The following ULK4 variants were observed in gnomAD, a reference collection of about 807,000 sequenced individuals.
The protein encoded by ULK4 is inactive serine/threonine-protein kinase ULK4.
A neutral mutation model predicts 160.6 loss-of-function variants in ULK4; 133 were observed. The observed-to-expected ratio is 0.83, with a 90% CI of 0.72 to 0.96. The LOEUF (loss-of-function observed/expected upper bound fraction) is 0.96, where lower values mean the gene tolerates loss of function less well. Among genes scored for constraint, ULK4 ranks in the 40% least tolerant of loss-of-function variants. ULK4 has a pLI of 0.00. For missense variants in ULK4, 1,580 were observed against 1,499.5 expected (o/e 1.05, Z -0.89); for synonymous variants, 534 against 539.8 (o/e 0.99, Z 0.15).
At chr3:41,858,665 G>T (rs2125681432) in intron 17 of ULK4, among the ~76,000 whole-genome samples, 1 of 137,960 alleles carries the variant, frequency 7.2e-6, no homozygotes, top group Non-Finnish European at 1.5e-5. Context: ...GCTAATTTTT[G>T]TGTGATTTTT....
At chr3:41,413,886 T>A (rs989289680) in intron 34 of ULK4, among the ~76,000 whole-genome samples, 1 of 152,146 alleles carries the variant, frequency 6.6e-6, no homozygotes, top group Non-Finnish European at 1.5e-5. Context: ...GAACTTCAGA[T>A]AAAAAAATCA....
intron 31 of ULK4, among the ~76,000 whole-genome samples, chr3:41,592,748 A>T (rs2031438826): frequency 2.0e-5 from 3 of 152,238 alleles, no homozygotes; most frequent in African/African-American, 7.2e-5. Flanking sequence ...TATGAAGAGT[A>T]GTTAAAATGG....
At chr3:41,848,678 A>G (rs1374396692) in intron 17 of ULK4, among the ~76,000 whole-genome samples, 1 of 152,182 alleles carries the variant, frequency 6.6e-6, no homozygotes, top group East Asian at 1.9e-4. Context: ...TTTTCCTTCT[A>G]GCAGTATCCC....
intron 35 of ULK4, among the ~76,000 whole-genome samples, chr3:41,265,119 C>T (rs1341223111): frequency 6.6e-6 from 1 of 152,202 alleles, no homozygotes; most frequent in East Asian, 1.9e-4. Flanking sequence ...GGAGGCTGGG[C>T]CAGCACTGCA....
At chr3:41,578,279 T>C (rs1481051044) in intron 31 of ULK4, among the ~76,000 whole-genome samples, 10 of 152,228 alleles carry the variant, frequency 6.6e-5, no homozygotes, top group Non-Finnish European at 2.9e-5. Context: ...AAAGGCAACC[T>C]GGGTCTTTGT....
chr3:41,921,742 T>C (rs747616124), intron 5 of ULK4, among the ~76,000 whole-genome samples: 1 of 152,222 alleles, frequency 6.6e-6, no homozygotes, highest in Non-Finnish European at 1.5e-5. Context: ...TATTACATGG[T>C]AAGTTAAATG....
chr3:41,678,987 C>T (rs536614686), intron 29 of ULK4, among the ~76,000 whole-genome samples: 11 of 152,240 alleles, frequency 7.2e-5, no homozygotes, highest in Middle Eastern at 6.8e-3. Flanking sequence ...GATCAAACTC[C>T]TTACCAGGTT....
intron 21 of ULK4, among the ~76,000 whole-genome samples, chr3:41,764,132 G>C (rs2039080119): frequency 6.6e-6 from 1 of 152,076 alleles, no homozygotes; most frequent in African/African-American, 2.4e-5. Context: ...ACAATAAACT[G>C]AGAAAATGAA....
intron 35 of ULK4, among the ~76,000 whole-genome samples, chr3:41,290,332 C>T (rs2079537029): frequency 1.3e-5 from 2 of 152,158 alleles, no homozygotes; most frequent in South Asian, 4.1e-4. Flanking sequence ...AATCATGCAA[C>T]AAGTAGATGC....
At chr3:41,944,348 G>A (rs1700050906) in intron 2 of ULK4, among the ~76,000 whole-genome samples, 1 of 152,190 alleles carries the variant, frequency 6.6e-6, no homozygotes, top group South Asian at 2.1e-4. Flanking sequence ...GATGAGGCAG[G>A]AGAATTGCCT....
intron 32 of ULK4, among the ~76,000 whole-genome samples, chr3:41,472,216 C>T (rs1028209725): frequency 1.8e-4 from 28 of 151,532 alleles, no homozygotes; most frequent in Admixed American, 9.2e-4. Flanking sequence ...ATTGAATAAC[C>T]GAGAAGAAAG....
chr3:41,945,273 T>C (rs1700079979), intron 2 of ULK4, among the ~76,000 whole-genome samples: 1 of 152,096 alleles, frequency 6.6e-6, no homozygotes, highest in African/African-American at 2.4e-5. Context: ...ATGGATGCCT[T>C]GGGGCCTTTA....
rs58776421 is a variant in ULK4 at position 41,316,275 on chromosome 3, T to A, written c.3679-66701A>T. 5.4e-3 allele frequency among the ~76,000 whole-genome samples: 819 copies of A among 152,056 alleles called. 13 individuals are homozygous for A. The highest frequency in any genetic ancestry group is 0.019 in the African/African-American group (781 of 41,458). The stretch of plus-strand genomic sequence containing the variant: ...AAAGCATTATACTAAGTGAAAGAGG[T>A]CAGACAAAAGAGGCTGACTTTTGGG... On this transcript the variant is annotated intron_variant, in intron 35 of 36. Transcript: ENST00000301831.
At chr3:41,824,313 T>C (rs1459401733) in intron 18 of ULK4, among the ~76,000 whole-genome samples, 2 of 152,100 alleles carry the variant, frequency 1.3e-5, no homozygotes, top group East Asian at 1.9e-4. Flanking sequence ...TGTCGGACAG[T>C]GGGTGCAGGA....
chr3:41,946,332 C>T (rs148845039), intron 2 of ULK4, among the ~76,000 whole-genome samples: 1 of 152,244 alleles, frequency 6.6e-6, no homozygotes, highest in Non-Finnish European at 1.5e-5. Flanking sequence ...GGTTCAAGAA[C>T]AGGCAAAATA....
chr3:41,278,975 G>C (rs976812314), intron 35 of ULK4, among the ~76,000 whole-genome samples: 1 of 152,154 alleles, frequency 6.6e-6, no homozygotes, highest in African/African-American at 2.4e-5. Context: ...GTTGGCTTCA[G>C]AAGGTCGGTA....
At chr3:41,581,277 A>G (rs2030313965) in intron 31 of ULK4, among the ~76,000 whole-genome samples, 1 of 152,298 alleles carries the variant, frequency 6.6e-6, no homozygotes, top group East Asian at 1.9e-4. Flanking sequence ...GCAGGCAGAG[A>G]GTACGTTTAC....
rs115243454 is a variant in ULK4, at chr3:41,947,887, G to T, written c.138+6735C>A. Among the ~76,000 whole-genome samples the T allele has an allele frequency of 8.8e-3, 1,336 of 152,192 alleles. 21 individuals carry two copies. The highest frequency in any genetic ancestry group is 0.031 in the African/African-American group (1,286 of 41,530). ...GCAGACACTCAACAATACGCTTTTG[G>T]TGTTGAAGTGAGTGAATGAATCTTG... is the stretch of plus-strand genomic sequence containing the variant. On this transcript the variant is annotated intron_variant, in intron 2 of 36. Coordinates refer to ENST00000301831, the MANE Select transcript of ULK4 (RefSeq NM_017886.4).
At chr3:41,508,629 G>C (rs151030341) in intron 32 of ULK4, among the ~76,000 whole-genome samples, 149 of 152,296 alleles carry the variant, frequency 9.8e-4, no homozygotes, top group African/African-American at 3.5e-3. Flanking sequence ...AAGACATAAA[G>C]ATGGATCACA....
Sources: gnomAD v4.1 joint callset for allele counts (sites outside exome capture counted in the v4.1 genomes callset) on GRCh38, gnomAD v4.1.1 for gene constraint, MANE v1.5 for transcripts, NCBI Gene and HGNC (gene_info 2026-07-23, HGNC 2026-07-21) for gene names.